Variants in GOLGA1 observed in about 807,000 individuals in gnomAD.
GOLGA1 encodes golgin subfamily A member 1.
GOLGA1 carries 63 observed loss-of-function variants against 119.7 expected under a neutral mutation model. That is an observed-to-expected ratio of 0.53 (90% CI 0.43 to 0.65). GOLGA1 has a LOEUF of 0.65. GOLGA1 is among the 30% of genes least tolerant of loss of function. GOLGA1 has a pLI of 0.00. For missense variants in GOLGA1, 798 were observed against 912.8 expected (o/e 0.87, Z 1.62); for synonymous variants, 318 against 333.4 (o/e 0.95, Z 0.50).
intron 10 of GOLGA1, among the ~76,000 whole-genome samples, chr9:124,912,414 C>T (rs1183680259): frequency 1.3e-5 from 2 of 152,146 alleles, no homozygotes; most frequent in Non-Finnish European, 2.9e-5. Context: ...GATGTAGTGG[C>T]TTTAAGGCTA....
chr9:124,922,442 T>G (rs1830589735), intron 8 of GOLGA1, among the ~76,000 whole-genome samples: 1 of 150,512 alleles, frequency 6.6e-6, no homozygotes, highest in Admixed American at 6.7e-5. Context: ...TCCCAGCTAC[T>G]CGGGAGGCTT....
At chr9:124,889,397 A>G in intron 17 of GOLGA1, 37 bp downstream of exon 17, 5 of 1,590,814 alleles carry the variant, frequency 3.1e-6, no homozygotes, top group South Asian at 1.1e-5. Context: ...CTGGGCCTGA[A>G]AAGGAGAGAA....
chr9:124,915,244 T>G (rs1830417014), intron 10 of GOLGA1, among the ~76,000 whole-genome samples: 1 of 152,226 alleles, frequency 6.6e-6, no homozygotes, highest in Non-Finnish European at 1.5e-5. Flanking sequence ...ATTTAGCCTT[T>G]GATGTCAGAT....
chr9:124,912,033 G>C lies in GOLGA1; in HGVS notation c.844-7C>G. 6.2e-7 allele frequency: 1 copy of C among 1,612,206 alleles called. No individual in the cohort carries two copies. The highest frequency in any genetic ancestry group is 8.5e-7 in the Non-Finnish European group (1 of 1,178,762). ...CTTGAGTTTCAGCAGTGACCTGCAG[G>C]TGAAAGCAGAGATCACTCTATACTA... is the stretch of plus-strand genomic sequence containing the variant. On this transcript the variant is annotated splice_polypyrimidine_tract_variant and splice_region_variant and intron_variant, in intron 10 of 22. Transcript: ENST00000373555.
chr9:124,879,075 A>T lies in GOLGA1; in HGVS notation c.*1455T>A, dbSNP rs557112995. 1 of 152,324 alleles carries T rather than the reference A, an allele frequency of 6.6e-6. No individual in the cohort carries two copies. Among genetic ancestry groups the T allele is most frequent in the East Asian group, 1.9e-4 (1 of 5,188 alleles). 9.4% of individuals were successfully genotyped at this position (152,324 alleles called of 1,614,324 possible). On this transcript the variant is annotated 3_prime_UTR_variant, in exon 23 of 23. Coordinates refer to ENST00000373555, the MANE Select transcript of GOLGA1 (RefSeq NM_002077.4). Reference sequence around the variant, plus strand: ...TGCCCTGACTTGGTTCTTCATGGAAATTTCGTTAGGTTAACGTTGCAAATG... The same window carrying T: ...TGCCCTGACTTGGTTCTTCATGGAATTTTCGTTAGGTTAACGTTGCAAATG...
Position 124,898,610 on chromosome 9 carries a change from T to C in GOLGA1, c.1346A>G (p.Glu449Gly), listed in dbSNP as rs777427631. 34 of 1,611,858 alleles carry C rather than the reference T, an allele frequency of 2.1e-5. No homozygotes were observed. The highest frequency in any genetic ancestry group is 2.8e-5 in the Non-Finnish European group (33 of 1,178,056). Residue 449 changes from glutamate (E) to glycine (G), a missense_variant, in exon 15 of 23, where the codon GAA (glutamate) becomes GGA (glycine). Transcript: ENST00000373555. ...AGAACGTTCATATTCATTCCTGCATTCTTTAAGGGCTGCATTTTCTTGCTC... is the reference window on the plus strand; with the variant it reads ...AGAACGTTCATATTCATTCCTGCATCCTTTAAGGGCTGCATTTTCTTGCTC... ...QLEQENAALKECRNEYERSLQ... is the reference protein window; with the variant it reads ...QLEQENAALKGCRNEYERSLQ...
At chr9:124,939,558 T>C (rs1977458) in intron 2 of GOLGA1, among the ~76,000 whole-genome samples, 24,171 of 105,072 alleles carry the variant, frequency 0.23, 2,267 homozygotes, top group South Asian at 0.29. Flanking sequence ...TTCTTTTTTT[T>C]TTTTTTTTTT....
At chr9:124,916,984 A>G (rs1830461438) in intron 10 of GOLGA1, among the ~76,000 whole-genome samples, 1 of 151,574 alleles carries the variant, frequency 6.6e-6, no homozygotes, top group Non-Finnish European at 1.5e-5. Context: ...ATTGAGAAAA[A>G]ATAAATTATA....
chr9:124,889,646 G>A (rs1829811543), intron 16 of GOLGA1, 110 bp from the exon 17 acceptor site: 2 of 791,058 alleles, frequency 2.5e-6, no homozygotes, highest in Non-Finnish European at 4.6e-6. Context: ...CCTCCCTGAA[G>A]TCCACGACCC....
At chr9:124,899,692 A>T (rs1830058006) in intron 13 of GOLGA1, among the ~76,000 whole-genome samples, 2 of 152,140 alleles carry the variant, frequency 1.3e-5, no homozygotes. Flanking sequence ...TCATCACTCC[A>T]TCCTCAAGGT....
At chr9:124,915,125 C>T (rs1392334602) in intron 10 of GOLGA1, among the ~76,000 whole-genome samples, 1 of 152,148 alleles carries the variant, frequency 6.6e-6, no homozygotes, top group Non-Finnish European at 1.5e-5. Flanking sequence ...CAGTTATAGT[C>T]CCAGAATATG....
chr9:124,933,110 T>C (rs1830803412), intron 3 of GOLGA1, among the ~76,000 whole-genome samples: 4 of 152,102 alleles, frequency 2.6e-5, no homozygotes, highest in Admixed American at 6.5e-5. Flanking sequence ...CTAGGAATAG[T>C]GGTGAAACAA....
chr9:124,904,680 G>A (rs1480444097), intron 12 of GOLGA1, among the ~76,000 whole-genome samples: 2 of 151,962 alleles, frequency 1.3e-5, no homozygotes, highest in Admixed American at 6.6e-5. Context: ...AGTGGCTCAC[G>A]CCTGTAATCC....
chr9:124,915,220 G>A (rs542661460), intron 10 of GOLGA1, among the ~76,000 whole-genome samples: 91 of 152,194 alleles, frequency 6.0e-4, no homozygotes, highest in African/African-American at 2.1e-3. Flanking sequence ...CCAGCTGTAC[G>A]GTCTTGACAA....
chr9:124,918,490 G>A (rs544757089), intron 10 of GOLGA1, among the ~76,000 whole-genome samples: 2 of 152,286 alleles, frequency 1.3e-5, no homozygotes, highest in South Asian at 2.1e-4. Context: ...GACTATCAAA[G>A]TTGTGGCCAG....
chr9:124,895,335 C>A (rs1223257329), intron 15 of GOLGA1, among the ~76,000 whole-genome samples: 1 of 148,750 alleles, frequency 6.7e-6, no homozygotes, highest in Non-Finnish European at 1.5e-5. Flanking sequence ...AACAGAGACT[C>A]TCCACAACAG....
intron 2 of GOLGA1, among the ~76,000 whole-genome samples, chr9:124,939,104 G>A (rs971999486): frequency 2.4e-4 from 37 of 151,762 alleles, no homozygotes; most frequent in African/African-American, 8.5e-4. Flanking sequence ...TGGAAGGGCT[G>A]GTATTTGAAC....
chr9:124,915,316 C>T (rs150691333), intron 10 of GOLGA1, among the ~76,000 whole-genome samples: 79 of 152,306 alleles, frequency 5.2e-4, no homozygotes, highest in African/African-American at 1.8e-3. Context: ...GTTGTGAGGA[C>T]TCGATGAGTC....
At chr9:124,909,865 A>C (rs1393502919) in intron 11 of GOLGA1, among the ~76,000 whole-genome samples, 1 of 152,096 alleles carries the variant, frequency 6.6e-6, no homozygotes, top group Non-Finnish European at 1.5e-5. Flanking sequence ...CCTGGGTTCA[A>C]GTGATTCTCT....
Sources: gnomAD v4.1 joint callset for allele counts (sites outside exome capture counted in the v4.1 genomes callset) on GRCh38, gnomAD v4.1.1 for gene constraint, MANE v1.5 for transcripts, NCBI Gene and HGNC (gene_info 2026-07-23, HGNC 2026-07-21) for gene names.